NUDT21: variants seen among roughly 807,000 people sequenced by gnomAD.
NUDT21 encodes nudix hydrolase 21.
Under a neutral mutation model 29.8 loss-of-function variants are expected in NUDT21, and 5 were observed. The ratio of observed to expected loss-of-function variants is 0.17; its 90% CI spans 0.09 to 0.35. NUDT21 has a LOEUF of 0.35. Among genes scored for constraint, NUDT21 ranks in the 10% least tolerant of loss-of-function variants. NUDT21 has a pLI of 1.00. For missense variants in NUDT21, 76 were observed against 276.0 expected (o/e 0.28, Z 5.13); for synonymous variants, 113 against 98.5 (o/e 1.15, Z -0.87).
At chr16:56,434,870 G>T in intron 4 of NUDT21, 41 bp from the exon 5 acceptor site, 1 of 1,199,210 alleles carries the variant, frequency 8.3e-7, no homozygotes, top group South Asian at 1.2e-5. Flanking sequence ...TGTATTCCAT[G>T]GCTTCATTTC....
Position 56,435,743 on chromosome 16 carries a change from T to TTATATATATATATATATATA in NUDT21, c.472-934_472-915dup, listed in dbSNP as rs777245596. Among the ~76,000 whole-genome samples, 12 of 27,050 alleles carry TTATATATATATATATATATA rather than the reference T, an allele frequency of 4.4e-4. 1 individual carries two copies. The highest frequency in any genetic ancestry group is 1.0e-3 in the East Asian group (1 of 996). The allele number at this position is 27,050 out of a possible 152,430, so 17.7% of individuals were successfully genotyped here. On this transcript the variant is annotated intron_variant, in intron 4 of 6. Transcript: ENST00000300291. ...TCTGTCTCCCAAAAAAAAAAAAAAA[T>TTATATATATATATATATATA]TATATATATATATATATATATATAT...
intron 1 of NUDT21, among the ~76,000 whole-genome samples, chr16:56,448,810 C>T (rs778398004): frequency 4.6e-5 from 7 of 152,120 alleles, no homozygotes; most frequent in South Asian, 2.1e-4. Context: ...CCTTTGAGTA[C>T]GAATTTAGGC....
At chr16:56,435,797 A>T (rs1452565246) in intron 4 of NUDT21, among the ~76,000 whole-genome samples, 1 of 105,858 alleles carries the variant, frequency 9.4e-6, no homozygotes, top group Non-Finnish European at 1.9e-5. Flanking sequence ...TCAGTAAGTT[A>T]AACAGTCTAG....
At chr16:56,450,231 G>A (rs1319237905) in intron 1 of NUDT21, among the ~76,000 whole-genome samples, 2 of 152,140 alleles carry the variant, frequency 1.3e-5, no homozygotes, top group Non-Finnish European at 2.9e-5. Context: ...CAAATCCTCA[G>A]AAACGATTTT....
intron 3 of NUDT21, among the ~76,000 whole-genome samples, chr16:56,446,021 C>A (rs761155497): frequency 1.3e-5 from 2 of 152,084 alleles, no homozygotes; most frequent in South Asian, 2.1e-4. Flanking sequence ...CAGGGGCAGG[C>A]GGCAATTGAA....
rs371300310 is a variant in NUDT21, at chr16:56,451,077, C to T, written c.116+10G>A. 2.5e-6 allele frequency: 4 copies of T among 1,608,782 alleles called. No individual in the cohort carries two copies. The highest frequency in any genetic ancestry group is 3.4e-6 in the Non-Finnish European group (4 of 1,175,572). ...GAGAGAAATGCCCGCCAAGGCCGCG[C>T]CGCACTTACAGGTTGATGGTGCGCT... On this transcript the variant is annotated intron_variant, in intron 1 of 6. Coordinates refer to ENST00000300291, the MANE Select transcript of NUDT21 (RefSeq NM_007006.3).
In NUDT21 at chr16:56,432,484, CA is replaced by C. The variant is rs1393629938; in HGVS notation, c.*227del. 10 of 398,834 alleles carry C rather than the reference CA, an allele frequency of 2.5e-5. No homozygotes were observed. The highest frequency in any genetic ancestry group is 2.1e-4 in the African/African-American group (10 of 48,334). 24.7% of individuals were successfully genotyped at this position (398,834 alleles called of 1,614,324 possible). A position where few individuals can be genotyped will look rare whatever the true frequency, so the allele number is the denominator to read the frequency against. ...AAAGTCCATTTTCTTTAATGTTGTA[CA>C]AAAAAGTATGAGCAGAACCGAAAGT... is the stretch of plus-strand genomic sequence containing the variant. On this transcript the variant is annotated 3_prime_UTR_variant, in exon 7 of 7. Coordinates refer to ENST00000300291, the MANE Select transcript of NUDT21 (RefSeq NM_007006.3).
intron 4 of NUDT21, among the ~76,000 whole-genome samples, chr16:56,438,687 A>G (rs1962129345): frequency 6.6e-6 from 1 of 152,176 alleles, no homozygotes; most frequent in Admixed American, 6.5e-5. Context: ...AGATCTAACT[A>G]TCAATTTGCA....
chr16:56,447,517 A>T, intron 2 of NUDT21: 1 of 425,844 alleles, frequency 2.3e-6, no homozygotes, highest in East Asian at 4.7e-5. Flanking sequence ...AATGACATCT[A>T]GACATTGATC....
chr16:56,447,769 T>C lies in NUDT21; in HGVS notation c.317+20A>G. 6.2e-7 allele frequency: 1 copy of C among 1,612,172 alleles called. No individual in the cohort carries two copies. The highest frequency in any genetic ancestry group is 8.5e-7 in the Non-Finnish European group (1 of 1,178,260). On this transcript the variant is annotated intron_variant, in intron 2 of 6. Coordinates refer to ENST00000300291, the MANE Select transcript of NUDT21 (RefSeq NM_007006.3). ...ATCCTACTAAAAACTGTCTTGCTGT[T>C]AATTTCCAACACTACTTACAGTTTG...
At chr16:56,433,638 G>A (rs1293015023) in intron 6 of NUDT21, among the ~76,000 whole-genome samples, 1 of 152,102 alleles carries the variant, frequency 6.6e-6, no homozygotes, top group East Asian at 1.9e-4. Flanking sequence ...AATATAGTAA[G>A]TTTCAAAAAA....
At chr16:56,446,454 A>G (rs561409207) in intron 3 of NUDT21, 172 bp downstream of exon 3, 4 of 518,378 alleles carry the variant, frequency 7.7e-6, no homozygotes, top group East Asian at 6.4e-5. Context: ...AAAAATTGAA[A>G]TAAGTGTAAC....
chr16:56,435,491 C>A (rs1264518753), intron 4 of NUDT21, among the ~76,000 whole-genome samples: 1 of 150,960 alleles, frequency 6.6e-6, no homozygotes, highest in Non-Finnish European at 1.5e-5. Context: ...CTTTGGGAGG[C>A]CAAGGCAGGC....
Position 56,441,259 on chromosome 16 carries a change from C to CA in NUDT21, c.382-1514dup, listed in dbSNP as rs1340072282. ...TTTATTTTATTTTATTTTTTTGAGA[C>CA]AGAGTCTCGCTCTGTTGCCCAGGCT... On this transcript the variant is annotated intron_variant, in intron 3 of 6. Coordinates refer to ENST00000300291, the MANE Select transcript of NUDT21 (RefSeq NM_007006.3). 2.0e-5 allele frequency among the ~76,000 whole-genome samples: 3 copies of CA among 151,230 alleles called. No homozygotes were observed. In the East Asian group the frequency reaches 5.9e-4, roughly 30 times the overall value.
rs1567537950 is a variant in NUDT21, at chr16:56,435,746, TATATATATATATATATATA to T, written c.472-936_472-918del. On this transcript the variant is annotated intron_variant, in intron 4 of 6. Coordinates refer to ENST00000300291, the MANE Select transcript of NUDT21 (RefSeq NM_007006.3). ...GTCTCCCAAAAAAAAAAAAAAATTATATATATATATATATATATATATATATATATATATATATGATCAG... is the reference window on the plus strand; with the variant it reads ...GTCTCCCAAAAAAAAAAAAAAATTATTATATATATATATATATATGATCAG... 3.8e-3 allele frequency among the ~76,000 whole-genome samples: 191 copies of T among 49,658 alleles called. 7 individuals are homozygous for T. The highest frequency in any genetic ancestry group is 6.3e-3 in the Non-Finnish European group (160 of 25,488). The allele number at this position is 49,658 out of a possible 152,430, so 32.6% of individuals were successfully genotyped here.
intron 4 of NUDT21, chr16:56,438,988 A>G (rs1962132892): frequency 1.3e-5 from 2 of 152,356 alleles, no homozygotes. Context: ...CCTTATTTTT[A>G]TGATTCACAC....
At position 56,451,274 on chromosome 16, in the gene NUDT21, GT is replaced by G; in HGVS notation, c.-73del. 8.5e-7 allele frequency: 1 copy of G among 1,182,288 alleles called. No individual in the cohort carries two copies. Among genetic ancestry groups the G allele is most frequent in the Non-Finnish European group, 1.2e-6 (1 of 827,906 alleles). The allele number at this position is 1,182,288 out of a possible 1,614,324, so 73.2% of individuals were successfully genotyped here. On this transcript the variant is annotated 5_prime_UTR_variant, in exon 1 of 7. Transcript: ENST00000300291. Reference sequence around the variant, plus strand: ...GTAGACTTTCCCCGTGCGGGAAGCGGTTATCTGCAATCCCCTCAGCGGCTAC... The same window carrying G: ...GTAGACTTTCCCCGTGCGGGAAGCGGTATCTGCAATCCCCTCAGCGGCTAC...
At chr16:56,448,587 A>G (rs1351900459) in intron 1 of NUDT21, among the ~76,000 whole-genome samples, 2 of 152,042 alleles carry the variant, frequency 1.3e-5, no homozygotes, top group East Asian at 3.8e-4. Context: ...TATTCTATTC[A>G]GTCTCCTTAT....
rs1322772665 is a variant in NUDT21, at chr16:56,431,712, C to T, written c.*1000G>A. The stretch of plus-strand genomic sequence containing the variant: ...ATTTTTTATTCCCCCAAATTTGATC[C>T]GAATTTATCAGTATTTTTTAAAGTT... On this transcript the variant is annotated 3_prime_UTR_variant, in exon 7 of 7. Transcript: ENST00000300291. 1.3e-5 allele frequency: 2 copies of T among 152,044 alleles called. No individual in the cohort carries two copies. The highest frequency in any genetic ancestry group is 2.9e-5 in the Non-Finnish European group (2 of 68,006). 9.4% of individuals were successfully genotyped at this position (152,044 alleles called of 1,614,324 possible). A position where few individuals can be genotyped will look rare whatever the true frequency, so the allele number is the denominator to read the frequency against.
Sources: gnomAD v4.1 joint callset for allele counts (sites outside exome capture counted in the v4.1 genomes callset) on GRCh38, gnomAD v4.1.1 for gene constraint, MANE v1.5 for transcripts, NCBI Gene and HGNC (gene_info 2026-07-23, HGNC 2026-07-21) for gene names.